HDAC9: variants seen among roughly 807,000 people sequenced by gnomAD.
HDAC9 encodes histone deacetylase 9.
Under a neutral mutation model 139.4 loss-of-function variants are expected in HDAC9, and 41 were observed. The observed-to-expected ratio is 0.29, with a 90% CI of 0.23 to 0.38. HDAC9 has a LOEUF of 0.38. HDAC9 is among the 10% of genes least tolerant of loss of function. HDAC9 has a pLI of 1.00. For missense variants in HDAC9, 1,147 were observed against 1,297.0 expected, an observed-to-expected ratio of 0.88 and a Z score of 1.78; for synonymous variants, 517 against 476.2, an observed-to-expected ratio of 1.09 and a Z score of -1.12.
At chr7:18,695,513 C>T (rs1361192987) in intron 12 of HDAC9, among the ~76,000 whole-genome samples, 2 of 152,114 alleles carry the variant, frequency 1.3e-5, no homozygotes, top group Non-Finnish European at 2.9e-5. Context: ...AGTGACACTT[C>T]CAATCAGTGA....
intron 2 of HDAC9, 82 bp downstream of exon 2, chr7:18,496,406 CTT>C (rs1796958212): frequency 2.4e-6 from 3 of 1,247,000 alleles, no homozygotes; most frequent in Non-Finnish European, 2.3e-6. Flanking sequence ...AAGCACCTCT[CTT>C]AAGGAAATTG....
chr7:18,396,055 C>T (rs961506265), intron 1 of HDAC9, among the ~76,000 whole-genome samples: 2 of 137,080 alleles, frequency 1.5e-5, no homozygotes, highest in Non-Finnish European at 1.6e-5. Context: ...AGTAGATTGT[C>T]CTGCCAATGA....
At chr7:18,170,191 T>C (rs1788315971) in intron 2 of HDAC9, among the ~76,000 whole-genome samples, 1 of 152,236 alleles carries the variant, frequency 6.6e-6, no homozygotes, top group Non-Finnish European at 1.5e-5. Flanking sequence ...GGTTTTGATT[T>C]GCATTTCTCT....
At chr7:18,570,553 G>A (rs1388361778) in intron 2 of HDAC9, among the ~76,000 whole-genome samples, 2 of 152,170 alleles carry the variant, frequency 1.3e-5, no homozygotes, top group Non-Finnish European at 2.9e-5. Context: ...TGCCTATTTT[G>A]TAGAAGTCAA....
chr7:18,996,986 C>T lies in HDAC9; in HGVS notation c.*924C>T, dbSNP rs1423302244. On this transcript the variant is annotated 3_prime_UTR_variant, in exon 26 of 26. Transcript: ENST00000686413. ...ATCTATCAAGGACTTATTCACTCAC[C>T]TTTCCTTTTCTGCCCTCTATCAATT... 1.3e-5 allele frequency: 2 copies of T among 152,120 alleles called. No individual in the cohort carries two copies. 9.4% of individuals were successfully genotyped at this position (152,120 alleles called of 1,614,324 possible). A position where few individuals can be genotyped will look rare whatever the true frequency, so the allele number is the denominator to read the frequency against.
chr7:18,580,638 G>T (rs1754636553), intron 2 of HDAC9, among the ~76,000 whole-genome samples: 1 of 152,108 alleles, frequency 6.6e-6, no homozygotes, highest in Non-Finnish European at 1.5e-5. Flanking sequence ...GCTGTCATCA[G>T]ATTCCTTCGA....
intron 22 of HDAC9, among the ~76,000 whole-genome samples, chr7:18,931,958 T>C (rs1407551643): frequency 1.3e-5 from 2 of 152,170 alleles, no homozygotes; most frequent in Non-Finnish European, 2.9e-5. Flanking sequence ...CCACAGAATG[T>C]ACAACACAAA....
intron 23 of HDAC9, among the ~76,000 whole-genome samples, chr7:18,951,599 A>T (rs979116656): frequency 4.0e-5 from 6 of 151,238 alleles, no homozygotes; most frequent in Non-Finnish European, 7.4e-5. Context: ...GTTTGTATAA[A>T]TTACTCCTTA....
intron 6 of HDAC9, among the ~76,000 whole-genome samples, chr7:18,622,968 AC>A (rs1467187478): frequency 6.6e-6 from 1 of 151,684 alleles, no homozygotes; most frequent in East Asian, 2.0e-4. Flanking sequence ...ATGTGGCAAA[AC>A]CCCATCTGTA....
intron 17 of HDAC9, among the ~76,000 whole-genome samples, chr7:18,818,269 A>G (rs1413702561): frequency 2.2e-4 from 34 of 152,224 alleles, no homozygotes. Flanking sequence ...AATTACCAGT[A>G]CACTCAAAGA....
intron 1 of HDAC9, among the ~76,000 whole-genome samples, chr7:18,294,709 A>G (rs1798026533): frequency 6.6e-6 from 1 of 152,064 alleles, no homozygotes. Flanking sequence ...TTACACGGGG[A>G]GTTGCATGAC....
intron 1 of HDAC9, among the ~76,000 whole-genome samples, chr7:18,383,022 C>A (rs1785579893): frequency 6.6e-6 from 1 of 152,114 alleles, no homozygotes; most frequent in Admixed American, 6.6e-5. Context: ...GTAAAGATGT[C>A]ATGTCTTTTC....
intron 16 of HDAC9, among the ~76,000 whole-genome samples, chr7:18,771,585 G>C (rs1585009128): frequency 6.6e-6 from 1 of 151,518 alleles, no homozygotes; most frequent in Non-Finnish European, 1.5e-5. Context: ...AAGAAACATT[G>C]TATATACACA....
At chr7:18,825,904 A>G (rs1487835327) in intron 17 of HDAC9, among the ~76,000 whole-genome samples, 1 of 148,502 alleles carries the variant, frequency 6.7e-6, no homozygotes, top group Non-Finnish European at 1.5e-5. Context: ...ATAATGTTAT[A>G]TTTATATAAT....
At chr7:18,500,041 C>T (rs148014989) in intron 2 of HDAC9, among the ~76,000 whole-genome samples, 6 of 152,148 alleles carry the variant, frequency 3.9e-5, no homozygotes, top group East Asian at 3.9e-4. Flanking sequence ...TCTTCACTTG[C>T]AAGTCTGTTA....
chr7:18,375,492 A>G (rs1008178854), intron 1 of HDAC9, among the ~76,000 whole-genome samples: 7 of 152,074 alleles, frequency 4.6e-5, no homozygotes, highest in African/African-American at 1.7e-4. Context: ...CAACAAAAAA[A>G]AAACAAAAGA....
At chr7:18,568,327 A>C (rs1334038325) in intron 2 of HDAC9, among the ~76,000 whole-genome samples, 1 of 152,160 alleles carries the variant, frequency 6.6e-6, no homozygotes, top group East Asian at 1.9e-4. Flanking sequence ...AAAAACACTG[A>C]AAAATAATAT....
At chr7:18,394,034 A>T (rs932164916) in intron 1 of HDAC9, among the ~76,000 whole-genome samples, 4 of 152,160 alleles carry the variant, frequency 2.6e-5, no homozygotes, top group African/African-American at 9.7e-5. Context: ...TGGTTCCATA[A>T]AGCCAAATTT....
At chr7:18,096,035 G>C (rs1157319075) in intron 1 of HDAC9, among the ~76,000 whole-genome samples, 1 of 152,144 alleles carries the variant, frequency 6.6e-6, no homozygotes, top group Non-Finnish European at 1.5e-5. Flanking sequence ...TCAAATGTCA[G>C]GTTTAATGAG....
Sources: gnomAD v4.1 joint callset for allele counts (sites outside exome capture counted in the v4.1 genomes callset) on GRCh38, gnomAD v4.1.1 for gene constraint, MANE v1.5 for transcripts, NCBI Gene and HGNC (gene_info 2026-07-23, HGNC 2026-07-21) for gene names.